The following SYNE2 variants were observed in gnomAD, a reference collection of about 807,000 sequenced individuals.
The protein encoded by SYNE2 is spectrin repeat containing nuclear envelope protein 2.
In SYNE2, 431 loss-of-function variants were observed where a neutral mutation model predicts 856.3. That is an observed-to-expected ratio of 0.50 (90% CI 0.47 to 0.55). The LOEUF (loss-of-function observed/expected upper bound fraction) is 0.55. Ranked by LOEUF, SYNE2 falls within the 20% of genes least tolerant of loss-of-function variation. The pLI is 0.00. For missense variants in SYNE2, 8,129 were observed against 8,023.2 expected (o/e 1.01, Z -0.50); for synonymous variants, 2,923 against 2,872.3 (o/e 1.02, Z -0.56).
chr14:63,991,658 A>C (rs370694975), intron 21 of SYNE2, among the ~76,000 whole-genome samples: 4 of 152,336 alleles, frequency 2.6e-5, no homozygotes, highest in African/African-American at 9.6e-5. Flanking sequence ...GTTGCAGCTT[A>C]AGATGTCACC....
At chr14:64,078,395 T>C (rs2097487442) in intron 54 of SYNE2, 71 bp from the exon 55 acceptor site, 1 of 1,600,486 alleles carries the variant, frequency 6.2e-7, no homozygotes, top group Non-Finnish European at 8.5e-7. Context: ...ACTACCACTT[T>C]TGTTGTTCGA....
At chr14:63,783,436 G>A (rs1376953635) in intron 1 of SYNE2, among the ~76,000 whole-genome samples, 2 of 152,048 alleles carry the variant, frequency 1.3e-5, no homozygotes, top group Admixed American at 6.6e-5. Context: ...GGAGTGCAGT[G>A]GCGCGATCTT....
intron 63 of SYNE2, chr14:64,100,279 A>G (rs926943013): frequency 6.6e-6 from 1 of 151,790 alleles, no homozygotes; most frequent in Non-Finnish European, 1.5e-5. Context: ...GAATTGAACA[A>G]TGAGAACACA....
In SYNE2 at chr14:64,185,763, C is replaced by T. The variant is rs140221797; in HGVS notation, c.17557-661C>T. ...CTTGAACTCCTGACCTCAGGTGATC[C>T]GTCCACCTTGGGCTTCCAAAGTGCT... is the stretch of plus-strand genomic sequence containing the variant. On this transcript the variant is annotated intron_variant, in intron 96 of 115. Coordinates refer to ENST00000555002, the MANE Select transcript of SYNE2 (RefSeq NM_182914.3). 8.7e-3 allele frequency among the ~76,000 whole-genome samples: 1,327 copies of T among 152,212 alleles called. 18 individuals are homozygous for T. The highest frequency in any genetic ancestry group is 0.031 in the African/African-American group (1,278 of 41,534).
chr14:63,895,008 A>G (rs769939572), intron 1 of SYNE2, among the ~76,000 whole-genome samples: 1 of 152,222 alleles, frequency 6.6e-6, no homozygotes, highest in Non-Finnish European at 1.5e-5. Context: ...GCCTCTTCCT[A>G]GAGCTTACAG....
intron 113 of SYNE2, 69 bp from the exon 114 acceptor site, chr14:64,224,392 G>A (rs1322831046): frequency 2.6e-5 from 32 of 1,216,876 alleles, no homozygotes; most frequent in Middle Eastern, 2.5e-4. Context: ...GTAGGGGAGG[G>A]TGAGCTATAT....
intron 99 of SYNE2, among the ~76,000 whole-genome samples, chr14:64,197,825 G>A (rs1046920266): frequency 1.3e-5 from 2 of 152,216 alleles, no homozygotes; most frequent in African/African-American, 4.8e-5. Flanking sequence ...TGGAAGGAGA[G>A]CAGTGTTCAT....
intron 74 of SYNE2, 119 bp downstream of exon 74, chr14:64,128,672 A>C: frequency 1.4e-6 from 1 of 714,596 alleles, no homozygotes; most frequent in Non-Finnish European, 2.6e-6. Context: ...TAAATAAATA[A>C]AAAATGAGAA....
Position 64,216,382 on chromosome 14 carries a change from C to A in SYNE2, c.19537C>A (p.Pro6513Thr). The A allele has an allele frequency of 6.2e-7, 1 of 1,614,198 alleles. No homozygotes were observed. The highest frequency in any genetic ancestry group is 8.5e-7 in the Non-Finnish European group (1 of 1,180,038). ...TGCGTCCAGCACCCCTTATAAACCACCCTATGTAAGTCTTAACTTCACTGG... is the reference window on the plus strand; with the variant it reads ...TGCGTCCAGCACCCCTTATAAACCAACCTATGTAAGTCTTAACTTCACTGG... ...PPASSTPYKP[P>T]YGKLLLPPGT... The change falls in exon 108 of 116, where the codon CCC becomes ACC. Residue 6513 changes from proline to threonine, a missense_variant. This residue lies in a region of SYNE2 where 5,410 missense variants were observed against 5,284.8 expected (regional missense o/e 1.02). Transcript: ENST00000555002.
chr14:64,007,197 A>G lies in SYNE2; in HGVS notation c.4552A>G (p.Asn1518Asp), dbSNP rs769326202. 6.2e-7 allele frequency: 1 copy of G among 1,614,182 alleles called. No individual in the cohort carries two copies. Among genetic ancestry groups the G allele is most frequent in the South Asian group, 1.1e-5 (1 of 91,084 alleles). Residue 1518 changes from asparagine (N) to aspartate (D), a missense_variant, in exon 31 of 116, where the codon AAT becomes GAT. By Grantham distance (23) the Asn-to-Asp change is conservative. Transcript: ENST00000555002. The stretch of plus-strand genomic sequence containing the variant: ...CCAAAATACAGTAGTCTTGTGGGAG[A>G]ATACCAAAGCCTTGGTCACCGAATG... Reference protein sequence around the residue: ...QCQNTVVLWENTKALVTECLE... With the variant: ...QCQNTVVLWEDTKALVTECLE...
At chr14:64,019,192 G>C (rs1382234484) in intron 34 of SYNE2, among the ~76,000 whole-genome samples, 1 of 151,396 alleles carries the variant, frequency 6.6e-6, no homozygotes, top group Non-Finnish European at 1.5e-5. Context: ...AGAATAGCTT[G>C]AACTGGGGAG....
chr14:64,220,241 C>G (rs551644550), intron 110 of SYNE2, among the ~76,000 whole-genome samples, 196 bp from the exon 111 acceptor site: 32 of 152,268 alleles, frequency 2.1e-4, no homozygotes, highest in Non-Finnish European at 3.4e-4. Context: ...CTTTGGGGCC[C>G]TGTTGGCCAA....
chr14:64,030,948 A>T, intron 44 of SYNE2, 68 bp from the exon 45 acceptor site: 1 of 1,212,392 alleles, frequency 8.2e-7, no homozygotes, highest in Non-Finnish European at 1.2e-6. Flanking sequence ...GTACTCTGTG[A>T]TTTACAAAAG....
At chr14:64,205,091 C>T (rs1005043195) in intron 100 of SYNE2, among the ~76,000 whole-genome samples, 1 of 152,182 alleles carries the variant, frequency 6.6e-6, no homozygotes, top group Non-Finnish European at 1.5e-5. Flanking sequence ...ACAGTGGGCC[C>T]ACCCTGATAA....
intron 50 of SYNE2, 21 bp from the exon 51 acceptor site, chr14:64,065,411 T>A (rs776650353): frequency 9.3e-6 from 15 of 1,609,624 alleles, no homozygotes; most frequent in Non-Finnish European, 1.2e-5. Flanking sequence ...CCCTCTTATT[T>A]TTTTTCTTTT....
intron 1 of SYNE2, among the ~76,000 whole-genome samples, chr14:63,784,498 A>AAAAC (rs137985555): frequency 2.0e-5 from 3 of 149,722 alleles, no homozygotes; most frequent in African/African-American, 4.9e-5. Context: ...CTCCATCTCA[A>AAAAC]AAACAAACAA....
At chr14:63,790,626 T>C (rs923652504) in intron 1 of SYNE2, among the ~76,000 whole-genome samples, 7 of 152,148 alleles carry the variant, frequency 4.6e-5, no homozygotes, top group Admixed American at 1.3e-4. Flanking sequence ...TAGTTTCTTA[T>C]CAATGAGTGA....
chr14:63,814,314 C>T (rs1240428035), intron 1 of SYNE2, among the ~76,000 whole-genome samples: 1 of 148,678 alleles, frequency 6.7e-6, no homozygotes, highest in East Asian at 2.0e-4. Flanking sequence ...CAGAACAAAA[C>T]AAAACAAAAC....
chr14:64,218,615 A>G (rs1596299869), intron 109 of SYNE2, 103 bp downstream of exon 109: 2 of 1,132,016 alleles, frequency 1.8e-6, no homozygotes, highest in South Asian at 2.6e-5. Flanking sequence ...ACGATTCGCC[A>G]GAACTGGGGG....
Sources: gnomAD v4.1 joint callset for allele counts (sites outside exome capture counted in the v4.1 genomes callset) on GRCh38, gnomAD v4.1.1 for gene constraint, gnomAD v4.1.1 regional missense constraint, MANE v1.5 for transcripts, NCBI Gene and HGNC (gene_info 2026-07-23, HGNC 2026-07-21) for gene names.